The following TP63 variants were observed in gnomAD, a reference collection of about 807,000 sequenced individuals.
TP63 encodes the protein tumor protein p63, also known as tumor protein 63.
Under a neutral mutation model 82.8 loss-of-function variants are expected in TP63, and 17 were observed. The ratio of observed to expected loss-of-function variants is 0.21; its 90% CI spans 0.14 to 0.31. The LOEUF is 0.31. TP63 is among the 10% of genes least tolerant of loss of function. The pLI is 1.00. For synonymous variants in TP63, 330 were observed against 321.7 expected (o/e 1.03, Z -0.28); for missense variants, 648 against 895.3 (o/e 0.72, Z 3.52).
At chr3:189,762,694 T>C (rs993512257) in intron 3 of TP63, among the ~76,000 whole-genome samples, 7 of 152,188 alleles carry the variant, frequency 4.6e-5, no homozygotes, top group Non-Finnish European at 5.9e-5. Context: ...GCAAAAGAAC[T>C]AAAATGTCAA....
chr3:189,682,549 AAAAAATATATAT>A (rs1169362280), intron 1 of TP63, among the ~76,000 whole-genome samples: 14 of 30,344 alleles, frequency 4.6e-4, no homozygotes, highest in Non-Finnish European at 5.9e-4. Context: ...AAAAAAAAAA[AAAAAATATATAT>A]ATATATATAT....
At chr3:189,866,633 T>G in intron 5 of TP63, 49 bp from the exon 6 acceptor site, 2 of 1,537,084 alleles carry the variant, frequency 1.3e-6, no homozygotes, top group South Asian at 2.3e-5. Flanking sequence ...TTTATTTTCT[T>G]TATTTTTAAG....
At chr3:189,644,537 A>T (rs1712227669) in intron 1 of TP63, among the ~76,000 whole-genome samples, 1 of 152,116 alleles carries the variant, frequency 6.6e-6, no homozygotes, top group Middle Eastern at 3.4e-3. Context: ...ATTTATTTTT[A>T]TTGTTTCAAT....
chr3:189,648,280 G>C (rs145209074), intron 1 of TP63, among the ~76,000 whole-genome samples: 6,191 of 146,286 alleles, frequency 0.042, 619 homozygotes, highest in Middle Eastern at 0.059. Context: ...ATGTTATTTT[G>C]TCCATATAAC....
chr3:189,790,129 A>G (rs1192485985), intron 3 of TP63, among the ~76,000 whole-genome samples: 1 of 152,046 alleles, frequency 6.6e-6, no homozygotes, highest in Non-Finnish European at 1.5e-5. Context: ...TTTTAGAAAA[A>G]CAGACTCAGA....
chr3:189,845,189 G>A (rs1307308908), intron 4 of TP63, among the ~76,000 whole-genome samples: 1 of 152,088 alleles, frequency 6.6e-6, no homozygotes, highest in East Asian at 1.9e-4. Flanking sequence ...CAAGTATTTT[G>A]GGTTATTTGA....
intron 4 of TP63, among the ~76,000 whole-genome samples, chr3:189,816,384 T>A (rs1239262785): frequency 6.6e-6 from 1 of 152,190 alleles, no homozygotes; most frequent in Non-Finnish European, 1.5e-5. Flanking sequence ...CTTTGCACAT[T>A]CTCCTGTTCG....
chr3:189,881,668 A>C (rs1487695846), intron 10 of TP63, among the ~76,000 whole-genome samples: 2 of 152,152 alleles, frequency 1.3e-5, no homozygotes, highest in Admixed American at 1.3e-4. Flanking sequence ...ATTTTTATTT[A>C]AGATACTCTG....
intron 1 of TP63, among the ~76,000 whole-genome samples, chr3:189,635,661 C>G (rs1464558116): frequency 1.3e-5 from 2 of 152,018 alleles, no homozygotes; most frequent in Admixed American, 1.3e-4. Flanking sequence ...GTTACTCCCT[C>G]CCCTTCCTTT....
At chr3:189,675,927 TTCCAG>T (rs1182866273) in intron 1 of TP63, among the ~76,000 whole-genome samples, 1 of 120,218 alleles carries the variant, frequency 8.3e-6, no homozygotes, top group Admixed American at 8.3e-5. Flanking sequence ...GTCCTTTTTT[TTCCAG>T]TAGAGCCAGA....
chr3:189,628,146 C>CA (rs1042472362), upstream of TP63, among the ~76,000 whole-genome samples: 4 of 151,874 alleles, frequency 2.6e-5, no homozygotes, highest in African/African-American at 7.3e-5. Context: ...TGACCTTACA[C>CA]AAAAAAGTGC....
the TP63 span, among the ~76,000 whole-genome samples, chr3:189,597,221 A>G: frequency 6.6e-6 from 1 of 152,230 alleles, no homozygotes. Context: ...CAGCCTTCAC[A>G]AAGGTGGGGA....
chr3:189,719,557 T>C (rs1442409077), intron 1 of TP63, among the ~76,000 whole-genome samples: 2 of 152,186 alleles, frequency 1.3e-5, no homozygotes, highest in Non-Finnish European at 2.9e-5. Context: ...GCAAAGTTTT[T>C]CTGTAAAAAA....
chr3:189,724,879 G>C (rs1719656307), intron 1 of TP63, among the ~76,000 whole-genome samples: 1 of 152,154 alleles, frequency 6.6e-6, no homozygotes, highest in African/African-American at 2.4e-5. Flanking sequence ...TGGGGTGGAT[G>C]GGGGTACGGG....
chr3:189,774,179 C>T (rs1482725951), intron 3 of TP63, among the ~76,000 whole-genome samples: 1 of 152,176 alleles, frequency 6.6e-6, no homozygotes, highest in East Asian at 1.9e-4. Flanking sequence ...GCCTCGGCCT[C>T]CCAAAGTGCT....
intron 3 of TP63, among the ~76,000 whole-genome samples, chr3:189,780,684 C>T (rs553995844): frequency 6.6e-6 from 1 of 152,282 alleles, no homozygotes; most frequent in African/African-American, 2.4e-5. Flanking sequence ...GGTGCTTTTT[C>T]TCCCATGGCT....
chr3:189,825,650 G>A (rs1729266779), intron 4 of TP63, among the ~76,000 whole-genome samples: 1 of 152,084 alleles, frequency 6.6e-6, no homozygotes, highest in Non-Finnish European at 1.5e-5. Context: ...ATTTTTAATT[G>A]TGTCTTCTCT....
At chr3:189,860,641 G>C (rs183996512) in intron 4 of TP63, among the ~76,000 whole-genome samples, 1 of 152,166 alleles carries the variant, frequency 6.6e-6, no homozygotes, top group Non-Finnish European at 1.5e-5. Flanking sequence ...ATGCATCTTG[G>C]CTGTGGTCAG....
chr3:189,686,404 A>C (rs1012122138), intron 1 of TP63, among the ~76,000 whole-genome samples: 4 of 152,134 alleles, frequency 2.6e-5, no homozygotes, highest in African/African-American at 9.7e-5. Context: ...TGGTAATGCC[A>C]GCAATTCAAA....
Sources: gnomAD v4.1 joint callset for allele counts (sites outside exome capture counted in the v4.1 genomes callset) on GRCh38, gnomAD v4.1.1 for gene constraint, MANE v1.5 for transcripts, NCBI Gene and HGNC (gene_info 2026-07-23, HGNC 2026-07-21) for gene names.